Variants in RRH observed in about 807,000 individuals in gnomAD.
RRH encodes the protein visual pigment-like receptor peropsin.
Under a neutral mutation model 33.1 loss-of-function variants are expected in RRH, and 36 were observed. The ratio of observed to expected loss-of-function variants is 1.09; its 90% CI spans 0.83 to 1.44. The LOEUF is 1.44. RRH is among the 40% of genes most tolerant of loss of function. RRH has a pLI of 0.00. For synonymous variants in RRH, 124 were observed against 140.2 expected, an observed-to-expected ratio of 0.88 and a Z score of 0.82; for missense variants, 393 against 420.2, an observed-to-expected ratio of 0.94 and a Z score of 0.57.
intron 2 of RRH, 59 bp downstream of exon 2, chr4:109,833,388 A>G: frequency 1.5e-6 from 2 of 1,376,260 alleles, no homozygotes; most frequent in Non-Finnish European, 2.0e-6. Flanking sequence ...GTAAATTTAA[A>G]TGTCTAAAAC....
chr4:109,842,472 T>A lies in RRH; in HGVS notation c.724T>A (p.Ser242Thr). 6.2e-7 allele frequency: 1 copy of A among 1,613,976 alleles called. No homozygotes were observed. Among genetic ancestry groups the A allele is most frequent in the Non-Finnish European group, 8.5e-7 (1 of 1,179,860 alleles). ...GTGAATATTTATTTCTTTTCAGATG[T>A]CTGTGATCATGATCTGCATGTTTCT... ...WSDQIDVTKM[S>T]VIMICMFLVA... Residue 242 changes from serine to threonine, a missense_variant, in exon 6 of 7, where the codon TCT becomes ACT. Transcript: ENST00000317735.
At position 109,844,315 on chromosome 4, in the gene RRH, G is replaced by A. The variant is rs1459779579; in HGVS notation, c.*118G>A. The A allele has an allele frequency of 1.4e-6, 1 of 698,248 alleles. No individual in the cohort carries two copies. The highest frequency in any genetic ancestry group is 2.9e-5 in the East Asian group (1 of 34,922). The allele number at this position is 698,248 out of a possible 1,614,324, so 43.3% of individuals were successfully genotyped here. On this transcript the variant is annotated 3_prime_UTR_variant, in exon 7 of 7. Coordinates refer to ENST00000317735, the MANE Select transcript of RRH (RefSeq NM_006583.5). Reference sequence around the variant, plus strand: ...GGATCATTGTCCTATGAGAGTGTAAGCTCCTCAAGCACAGCTCGTGCTTCT... The same window carrying A: ...GGATCATTGTCCTATGAGAGTGTAAACTCCTCAAGCACAGCTCGTGCTTCT...
At chr4:109,837,388 C>G (rs757113118) in intron 4 of RRH, 49 bp from the exon 5 acceptor site, 6 of 1,471,006 alleles carry the variant, frequency 4.1e-6, no homozygotes, top group Admixed American at 1.7e-5. Flanking sequence ...CTCCTTCCCC[C>G]ACTTAGGACA....
chr4:109,842,441 G>T, intron 5 of RRH, 28 bp from the exon 6 acceptor site: 1 of 1,603,544 alleles, frequency 6.2e-7, no homozygotes, highest in Admixed American at 1.7e-5. Context: ...TTAGGTATTG[G>T]GCTTGGTGAA....
intron 4 of RRH, among the ~76,000 whole-genome samples, chr4:109,836,451 T>C (rs530780186): frequency 6.6e-6 from 1 of 152,306 alleles, no homozygotes; most frequent in African/African-American, 2.4e-5. Flanking sequence ...CTTCCAATAT[T>C]TGCACATTTC....
At chr4:109,830,625 A>C (rs1579358720) in intron 1 of RRH, among the ~76,000 whole-genome samples, 2 of 152,284 alleles carry the variant, frequency 1.3e-5, no homozygotes, top group Admixed American at 1.3e-4. Flanking sequence ...CAGGAGAAAA[A>C]GTCTCTCAGT....
chr4:109,834,827 G>A lies in RRH; in HGVS notation c.298-539G>A, dbSNP rs1427692206. ...TGTCCAAAATAGTTATTCAGATTATGAGAACATCTATTACTCCACATTCTC... is the reference window on the plus strand; with the variant it reads ...TGTCCAAAATAGTTATTCAGATTATAAGAACATCTATTACTCCACATTCTC... On this transcript the variant is annotated intron_variant, in intron 2 of 6. Coordinates refer to ENST00000317735, the MANE Select transcript of RRH (RefSeq NM_006583.5). Among the ~76,000 whole-genome samples the A allele has an allele frequency of 2.0e-5, 3 of 152,236 alleles. 1 individual carries two copies. Among genetic ancestry groups the A allele is most frequent in the South Asian group, 4.1e-4 (2 of 4,828 alleles).
At chr4:109,838,294 A>G (rs1733926642) in intron 5 of RRH, among the ~76,000 whole-genome samples, 4 of 152,154 alleles carry the variant, frequency 2.6e-5, no homozygotes. Flanking sequence ...TGCTCTCAGT[A>G]TGTTTAAACA....
At chr4:109,833,372 A>G (rs1429134832) in intron 2 of RRH, 43 bp downstream of exon 2, 4 of 1,464,028 alleles carry the variant, frequency 2.7e-6, no homozygotes, top group Non-Finnish European at 3.8e-6. Context: ...AATAGATCAA[A>G]TAAATGTAAA....
At chr4:109,844,044 A>T in intron 6 of RRH, 39 bp from the exon 7 acceptor site, 1 of 1,323,498 alleles carries the variant, frequency 7.6e-7, no homozygotes, top group Non-Finnish European at 1.1e-6. Flanking sequence ...GTTCCAAATC[A>T]TTATGGGTTA....
chr4:109,838,664 A>T (rs1454790293), intron 5 of RRH, among the ~76,000 whole-genome samples: 2 of 152,204 alleles, frequency 1.3e-5, no homozygotes, highest in African/African-American at 4.8e-5. Context: ...CTGGTCTAGA[A>T]TTCTAGGTGC....
chr4:109,831,520 A>G (rs548383787), intron 1 of RRH, among the ~76,000 whole-genome samples: 76 of 152,300 alleles, frequency 5.0e-4, no homozygotes, highest in African/African-American at 1.6e-3. Flanking sequence ...AGTTAATCAT[A>G]AGCAAGTAGT....
chr4:109,836,647 A>G (rs13107617), intron 4 of RRH, among the ~76,000 whole-genome samples: 82,716 of 151,982 alleles, frequency 0.54, 23,428 homozygotes, highest in Non-Finnish European at 0.64. Flanking sequence ...AGGCTTCTTT[A>G]TATTTTCCAG....
Position 109,837,433 on chromosome 4 carries a change from T to G in RRH, c.552-4T>G, listed in dbSNP as rs763518732. Reference sequence around the variant, plus strand: ...CAATCATGATTGCCTTTTCTTATTTTCAGATCTTTTGTGTCTTACACCATG... The same window carrying G: ...CAATCATGATTGCCTTTTCTTATTTGCAGATCTTTTGTGTCTTACACCATG... On this transcript the variant is annotated splice_region_variant and splice_polypyrimidine_tract_variant and intron_variant, in intron 4 of 6. Coordinates refer to ENST00000317735, the MANE Select transcript of RRH (RefSeq NM_006583.5). 6.2e-7 allele frequency: 1 copy of G among 1,613,756 alleles called. No homozygotes were observed. The highest frequency in any genetic ancestry group is 8.5e-7 in the Non-Finnish European group (1 of 1,179,636).
chr4:109,844,470 A>G lies in RRH; in HGVS notation c.*273A>G, dbSNP rs1010497059. The G allele has an allele frequency of 2.7e-6, 1 of 373,900 alleles. No individual in the cohort carries two copies. Among genetic ancestry groups the G allele is most frequent in the Admixed American group, 3.8e-5 (1 of 26,276 alleles). 23.2% of individuals were successfully genotyped at this position (373,900 alleles called of 1,614,324 possible). A position where few individuals can be genotyped will look rare whatever the true frequency, so the allele number is the denominator to read the frequency against. ...TTTCTTTCTCCCTATTATGGCATGCATTACACTGTACTGATGACCTTTAAC... is the reference window on the plus strand; with the variant it reads ...TTTCTTTCTCCCTATTATGGCATGCGTTACACTGTACTGATGACCTTTAAC... On this transcript the variant is annotated 3_prime_UTR_variant, in exon 7 of 7. Coordinates refer to ENST00000317735, the MANE Select transcript of RRH (RefSeq NM_006583.5).
At position 109,837,466 on chromosome 4, in the gene RRH, T is replaced by G. The variant is rs778774276; in HGVS notation, c.581T>G (p.Ile194Ser). Residue 194 changes from isoleucine to serine, a missense_variant, in exon 5 of 7, where the codon ATT becomes AGT. Coordinates refer to ENST00000317735, the MANE Select transcript of RRH (RefSeq NM_006583.5). ...TTTGTGTCTTACACCATGACAGTTA[T>G]TGCGATAAATTTTATTGTGCCCTTG... ...RSFVSYTMTV[I>S]AINFIVPLTV... The G allele has an allele frequency of 6.2e-7, 1 of 1,614,132 alleles. No individual in the cohort carries two copies. Among genetic ancestry groups the G allele is most frequent in the South Asian group, 1.1e-5 (1 of 91,082 alleles).
chr4:109,841,494 A>G (rs1733981442), intron 5 of RRH, among the ~76,000 whole-genome samples: 1 of 152,116 alleles, frequency 6.6e-6, no homozygotes. Flanking sequence ...GACTGAGTGG[A>G]CAGGGGTAAA....
At chr4:109,834,365 C>T (rs564508689) in intron 2 of RRH, among the ~76,000 whole-genome samples, 55 of 145,412 alleles carry the variant, frequency 3.8e-4, no homozygotes, top group African/African-American at 1.1e-3. Context: ...AGTCACGCTC[C>T]GTTGCCCAGG....
intron 1 of RRH, 138 bp downstream of exon 1, chr4:109,828,271 C>T (rs1733677791): frequency 4.7e-6 from 3 of 638,964 alleles, no homozygotes; most frequent in Admixed American, 2.2e-5. Context: ...TTGGCTTGCT[C>T]GTTGGTAAAT....
Sources: allele counts gnomAD v4.1 joint callset (sites outside exome capture counted in the v4.1 genomes callset), GRCh38; gene constraint gnomAD v4.1.1; transcripts MANE v1.5; gene names NCBI Gene and HGNC (gene_info 2026-07-23, HGNC 2026-07-21).